Variants in MRTFA observed in about 807,000 individuals in gnomAD.
MRTFA encodes the protein myocardin related transcription factor A.
In MRTFA, 20 loss-of-function variants were observed where a neutral mutation model predicts 83.5. That is an observed-to-expected ratio of 0.24 (90% CI 0.17 to 0.35). MRTFA has a LOEUF of 0.35. MRTFA is among the 10% of genes least tolerant of loss of function. The pLI, the probability that MRTFA is intolerant of heterozygous loss-of-function variation, is 1.00. For missense variants in MRTFA, 1,200 were observed against 1,224.7 expected (o/e 0.98, Z 0.30); for synonymous variants, 659 against 541.2 (o/e 1.22, Z -3.02).
intron 13 of MRTFA, 119 bp from the exon 14 acceptor site, chr22:40,417,165 AT>A (rs1486318244): frequency 2.9e-5 from 40 of 1,378,542 alleles, no homozygotes; most frequent in Non-Finnish European, 3.9e-5. Context: ...CACAGGACCC[AT>A]GGGCGTGCCC....
At chr22:40,577,136 T>C (rs955379501) in intron 2 of MRTFA, among the ~76,000 whole-genome samples, 1 of 148,150 alleles carries the variant, frequency 6.7e-6, no homozygotes, top group Non-Finnish European at 1.5e-5. Flanking sequence ...GGTGGAAAGA[T>C]CACTTGAGCC....
chr22:40,506,026 GATC>G (rs1255393332), intron 3 of MRTFA, among the ~76,000 whole-genome samples: 1 of 152,204 alleles, frequency 6.6e-6, no homozygotes, highest in Admixed American at 6.5e-5. Context: ...CAGGTCAGAA[GATC>G]GAGACCATCC....
At chr22:40,625,083 G>A (rs2056565855) in intron 1 of MRTFA, among the ~76,000 whole-genome samples, 1 of 152,084 alleles carries the variant, frequency 6.6e-6, no homozygotes, top group Non-Finnish European at 1.5e-5. Context: ...GATACATTAT[G>A]TTCTTGGTTC....
intron 6 of MRTFA, among the ~76,000 whole-genome samples, chr22:40,430,456 C>G (rs933299535): frequency 6.6e-6 from 1 of 151,974 alleles, no homozygotes; most frequent in African/African-American, 2.4e-5. Flanking sequence ...CCACTGCACA[C>G]TAGCCTGGTG....
chr22:40,529,249 A>T (rs1010050467), intron 3 of MRTFA, among the ~76,000 whole-genome samples: 1 of 152,210 alleles, frequency 6.6e-6, no homozygotes, highest in Non-Finnish European at 1.5e-5. Context: ...AATAGAAGTT[A>T]AAAAAATGCA....
chr22:40,438,497 A>G (rs1184766617), intron 4 of MRTFA, among the ~76,000 whole-genome samples: 1 of 152,222 alleles, frequency 6.6e-6, no homozygotes, highest in Non-Finnish European at 1.5e-5. Context: ...TCACCAGAAC[A>G]TCTTGAGGAC....
chr22:40,609,482 CAAAAAAAAAAAAA>C (rs148106089), intron 1 of MRTFA, among the ~76,000 whole-genome samples: 1 of 69,722 alleles, frequency 1.4e-5, no homozygotes, highest in Non-Finnish European at 2.5e-5. Context: ...GTCTCTTTAA[CAAAAAAAAAAAAA>C]AAAAAAAAAC....
intron 1 of MRTFA, among the ~76,000 whole-genome samples, chr22:40,615,587 A>C (rs2056438933): frequency 6.6e-6 from 1 of 152,200 alleles, no homozygotes; most frequent in Admixed American, 6.5e-5. Context: ...GGGTCTTTCA[A>C]ATCATGCAGA....
chr22:40,470,262 TATATATATATATATATATAA>T (rs2053882568), intron 3 of MRTFA, among the ~76,000 whole-genome samples: 9 of 80,886 alleles, frequency 1.1e-4, no homozygotes, highest in African/African-American at 3.9e-4. Context: ...TATATATATA[TATATATATATATATATATAA>T]AGAAACATAA....
intron 4 of MRTFA, among the ~76,000 whole-genome samples, chr22:40,452,671 G>A (rs984171936): frequency 2.6e-5 from 4 of 151,764 alleles, no homozygotes; most frequent in Admixed American, 6.6e-5. Context: ...TTAGCCGGGC[G>A]TGGGTGGCAG....
chr22:40,584,139 A>G (rs893182488), intron 2 of MRTFA, among the ~76,000 whole-genome samples: 16 of 152,230 alleles, frequency 1.1e-4, no homozygotes, highest in African/African-American at 3.4e-4. Context: ...ACAGAAAAAC[A>G]GACTCTTGTA....
chr22:40,468,365 T>C (rs2053844074), intron 3 of MRTFA, among the ~76,000 whole-genome samples: 1 of 152,158 alleles, frequency 6.6e-6, no homozygotes, highest in South Asian at 2.1e-4. Flanking sequence ...CACCAAGACT[T>C]CTACAATCAG....
At chr22:40,561,729 G>GAGTA (rs1302184717) in intron 2 of MRTFA, among the ~76,000 whole-genome samples, 2 of 152,152 alleles carry the variant, frequency 1.3e-5, no homozygotes, top group Non-Finnish European at 2.9e-5. Flanking sequence ...GCACATGGAA[G>GAGTA]AGTAATGTGG....
At chr22:40,495,757 CA>C (rs35652948) in intron 3 of MRTFA, among the ~76,000 whole-genome samples, 9,050 of 70,632 alleles carry the variant, frequency 0.13, 373 homozygotes, top group East Asian at 0.31. Flanking sequence ...GACTCCATCT[CA>C]AAAAAAAAAA....
intron 2 of MRTFA, among the ~76,000 whole-genome samples, chr22:40,564,802 C>T (rs2055679173): frequency 6.6e-6 from 1 of 152,162 alleles, no homozygotes; most frequent in Non-Finnish European, 1.5e-5. Context: ...CAGGCACACG[C>T]CGCCATTCCC....
chr22:40,524,975 T>A lies in MRTFA; in HGVS notation c.241+27131A>T, dbSNP rs539037952. ...AGCATGGGCCACCACACCCAGCTAATTTTTTTGTATTTTTAGTAGAGATGG... is the reference window on the plus strand; with the variant it reads ...AGCATGGGCCACCACACCCAGCTAAATTTTTTGTATTTTTAGTAGAGATGG... On this transcript the variant is annotated intron_variant, in intron 3 of 14. Transcript: ENST00000355630. 8.9e-4 allele frequency among the ~76,000 whole-genome samples: 135 copies of A among 152,152 alleles called. 1 individual carries two copies. The Middle Eastern group carries it at 0.021, about 23-fold the overall frequency.
intron 2 of MRTFA, among the ~76,000 whole-genome samples, chr22:40,585,582 A>C (rs1397199157): frequency 6.6e-6 from 1 of 152,238 alleles, no homozygotes; most frequent in Non-Finnish European, 1.5e-5. Flanking sequence ...GTGTATTTTA[A>C]CACAATAAAT....
At chr22:40,476,681 G>C (rs916079186) in intron 3 of MRTFA, among the ~76,000 whole-genome samples, 3 of 151,968 alleles carry the variant, frequency 2.0e-5, no homozygotes, top group Non-Finnish European at 4.4e-5. Context: ...TTGAACTCCT[G>C]GGCTCAAATG....
In MRTFA at chr22:40,461,235, A is replaced by G. The variant is rs548594837; in HGVS notation, c.307+1986T>C. 2.7e-5 allele frequency among the ~76,000 whole-genome samples: 4 copies of G among 150,340 alleles called. No homozygotes were observed. The South Asian group carries it at 8.4e-4, about 32-fold the overall frequency. Reference sequence around the variant, plus strand: ...AAAAAAAAAAAAAAAAAAAAAAGTTAAAAGAAATAGACCCCAGGCTTCTTA... The same window carrying G: ...AAAAAAAAAAAAAAAAAAAAAAGTTGAAAGAAATAGACCCCAGGCTTCTTA... On this transcript the variant is annotated intron_variant, in intron 4 of 14. Transcript: ENST00000355630.
Sources: allele counts gnomAD v4.1 joint callset (sites outside exome capture counted in the v4.1 genomes callset), GRCh38; gene constraint gnomAD v4.1.1; transcripts MANE v1.5; gene names NCBI Gene and HGNC (gene_info 2026-07-23, HGNC 2026-07-21).